MYO18B: variants seen among roughly 807,000 people sequenced by gnomAD.
The protein encoded by MYO18B is unconventional myosin-XVIIIb.
Under a neutral mutation model 273.0 loss-of-function variants are expected in MYO18B, and 204 were observed. The ratio of observed to expected loss-of-function variants is 0.75; its 90% CI spans 0.67 to 0.84. The LOEUF is 0.84. Ranked by LOEUF, MYO18B falls within the 40% of genes least tolerant of loss-of-function variation. The pLI is 0.00. For synonymous variants in MYO18B, 1,330 were observed against 1,305.7 expected (o/e 1.02, Z -0.40); for missense variants, 3,212 against 3,287.6 (o/e 0.98, Z 0.56).
intron 31 of MYO18B, among the ~76,000 whole-genome samples, chr22:25,907,305 A>G (rs1271095616): frequency 6.6e-6 from 1 of 152,224 alleles, no homozygotes; most frequent in Non-Finnish European, 1.5e-5. Flanking sequence ...GACTTCACAC[A>G]GTTCCAACAT....
At chr22:25,761,776 C>T (rs1301611929) in intron 2 of MYO18B, among the ~76,000 whole-genome samples, 1 of 152,068 alleles carries the variant, frequency 6.6e-6, no homozygotes, top group South Asian at 2.1e-4. Flanking sequence ...CCCCTCCCAG[C>T]CTGATCTGGG....
the MYO18B span, among the ~76,000 whole-genome samples, chr22:26,043,778 A>G: frequency 5.4e-3 from 820 of 152,070 alleles, 10 homozygotes; most frequent in African/African-American, 0.019. Context: ...TGGCCTCCCA[A>G]AGTGCTGGAA....
chr22:25,820,381 A>T (rs184330440), intron 12 of MYO18B, among the ~76,000 whole-genome samples: 1 of 152,276 alleles, frequency 6.6e-6, no homozygotes. Flanking sequence ...TAGTTTTGCC[A>T]TAAGCCAGAT....
intron 39 of MYO18B, among the ~76,000 whole-genome samples, chr22:25,960,795 C>G (rs773822500): frequency 6.6e-6 from 1 of 152,082 alleles, no homozygotes; most frequent in African/African-American, 2.4e-5. Flanking sequence ...AGTCTTGGTC[C>G]GCCCTGCAGG....
intron 1 of MYO18B, among the ~76,000 whole-genome samples, chr22:25,749,011 T>C (rs544823507): frequency 6.6e-6 from 1 of 152,342 alleles, no homozygotes; most frequent in Admixed American, 6.5e-5. Context: ...CCCCATTCCC[T>C]CTTTCCACGC....
chr22:25,936,383 T>C (rs544926047), intron 34 of MYO18B, among the ~76,000 whole-genome samples: 8 of 152,210 alleles, frequency 5.3e-5, no homozygotes, highest in African/African-American at 1.9e-4. Flanking sequence ...GAAATAGACT[T>C]AAGACAAGTG....
At chr22:25,986,764 T>A (rs2093206578) in intron 39 of MYO18B, among the ~76,000 whole-genome samples, 1 of 152,258 alleles carries the variant, frequency 6.6e-6, no homozygotes, top group Non-Finnish European at 1.5e-5. Flanking sequence ...TGCTGTTTGC[T>A]AATTCTAATC....
At chr22:25,824,202 C>G (rs2089400163) in intron 13 of MYO18B, among the ~76,000 whole-genome samples, 1 of 152,148 alleles carries the variant, frequency 6.6e-6, no homozygotes, top group African/African-American at 2.4e-5. Context: ...CTTTAAGAAG[C>G]TCAGCCTGGA....
intron 21 of MYO18B, 46 bp from the exon 22 acceptor site, chr22:25,868,274 C>T: frequency 6.6e-7 from 1 of 1,516,900 alleles, no homozygotes; most frequent in Non-Finnish European, 9.0e-7. Context: ...CTTTAGGATC[C>T]TCCTACCTTC....
chr22:25,770,389 C>T (rs951909724), intron 5 of MYO18B, among the ~76,000 whole-genome samples: 2 of 152,184 alleles, frequency 1.3e-5, no homozygotes, highest in Admixed American at 6.5e-5. Flanking sequence ...CTTCCTACGG[C>T]GTTCTTCGAG....
At chr22:26,022,575 G>C (rs73404472) in intron 42 of MYO18B, among the ~76,000 whole-genome samples, 3 of 152,190 alleles carry the variant, frequency 2.0e-5, no homozygotes, top group Admixed American at 6.5e-5. Context: ...GCACTTGGCC[G>C]TGCTTCTTGC....
intron 14 of MYO18B, 119 bp from the exon 15 acceptor site, chr22:25,828,657 G>T: frequency 2.1e-6 from 2 of 937,124 alleles, no homozygotes; most frequent in Non-Finnish European, 1.6e-6. Context: ...CTTGCCTGAG[G>T]TCACACAGCC....
chr22:25,864,026 A>G (rs1031004003), intron 21 of MYO18B, among the ~76,000 whole-genome samples: 4 of 152,178 alleles, frequency 2.6e-5, no homozygotes, highest in African/African-American at 9.7e-5. Flanking sequence ...GTTTCCTGCC[A>G]AAATTGCTAC....
intron 12 of MYO18B, among the ~76,000 whole-genome samples, chr22:25,819,179 C>T (rs1340729216): frequency 1.3e-5 from 2 of 152,146 alleles, no homozygotes; most frequent in African/African-American, 2.4e-5. Flanking sequence ...GGCAAAGCTC[C>T]CTGTGTGCCC....
intron 39 of MYO18B, 51 bp downstream of exon 39, chr22:25,955,415 G>A: frequency 6.5e-7 from 1 of 1,537,800 alleles, no homozygotes; most frequent in Admixed American, 1.9e-5. Context: ...TTTGCAATGT[G>A]GTAGACCCCC....
intron 39 of MYO18B, among the ~76,000 whole-genome samples, chr22:25,979,801 T>C (rs1182142292): frequency 2.0e-5 from 3 of 152,132 alleles, no homozygotes; most frequent in Non-Finnish European, 4.4e-5. Context: ...TCCCTTTCCC[T>C]TCCCCTTCTC....
chr22:25,967,710 CA>C (rs987587066), intron 39 of MYO18B, among the ~76,000 whole-genome samples: 7 of 152,102 alleles, frequency 4.6e-5, no homozygotes, highest in African/African-American at 1.7e-4. Context: ...TTGGCTTAAG[CA>C]AAAGGAAATT....
intron 25 of MYO18B, among the ~76,000 whole-genome samples, chr22:25,885,887 A>G (rs28610312): frequency 6.6e-6 from 1 of 152,198 alleles, no homozygotes; most frequent in Non-Finnish European, 1.5e-5. Context: ...CCCAGCTCAG[A>G]GGCATAACCT....
intron 42 of MYO18B, among the ~76,000 whole-genome samples, chr22:26,020,981 C>T (rs979226713): frequency 8.5e-5 from 13 of 152,082 alleles, no homozygotes; most frequent in African/African-American, 2.7e-4. Context: ...CCCAGCTACT[C>T]GGGAGGCGGA....
Sources: allele counts gnomAD v4.1 joint callset (sites outside exome capture counted in the v4.1 genomes callset), GRCh38; gene constraint gnomAD v4.1.1; transcripts MANE v1.5; gene names NCBI Gene and HGNC (gene_info 2026-07-23, HGNC 2026-07-21).